The following IFT140 variants were observed in gnomAD, a reference collection of about 807,000 sequenced individuals.
IFT140 encodes the protein intraflagellar transport protein 140 homolog.
IFT140 carries 133 observed loss-of-function variants against 164.6 expected under a neutral mutation model. The observed-to-expected ratio is 0.81, with a 90% CI of 0.70 to 0.93. The LOEUF is 0.93. Ranked by LOEUF, IFT140 falls within the 40% of genes least tolerant of loss-of-function variation. IFT140 has a pLI of 0.00. For synonymous variants in IFT140, 860 were observed against 817.3 expected (o/e 1.05, Z -0.89); for missense variants, 2,045 against 1,972.3 (o/e 1.04, Z -0.70).
intron 19 of IFT140, among the ~76,000 whole-genome samples, chr16:1,552,244 A>G (rs1281642237): frequency 1.3e-5 from 2 of 152,036 alleles, no homozygotes; most frequent in Non-Finnish European, 2.9e-5. Flanking sequence ...TGCCGGTATA[A>G]CCTCCTCCCG....
intron 19 of IFT140, among the ~76,000 whole-genome samples, chr16:1,544,257 C>A (rs1430272993): frequency 6.6e-6 from 1 of 151,334 alleles, no homozygotes; most frequent in Admixed American, 6.6e-5. Flanking sequence ...AATCTCGGCT[C>A]ACTGCAAGCT....
chr16:1,524,864 C>G lies in IFT140; in HGVS notation c.2917G>C (p.Ala973Pro). 1 of 1,612,724 alleles carries G rather than the reference C, an allele frequency of 6.2e-7. No individual in the cohort carries two copies. The highest frequency in any genetic ancestry group is 8.5e-7 in the Non-Finnish European group (1 of 1,179,484). ...QYLESQGEMD[A>P]ALHYYELARD... is the part of the protein sequence containing the mutation. Reference sequence around the variant, plus strand: ...GCCAGCTCGTAGTAGTGCAGCGCGGCGTCCATCTCGCCCTGGCTCTCCAGG... The same window carrying G: ...GCCAGCTCGTAGTAGTGCAGCGCGGGGTCCATCTCGCCCTGGCTCTCCAGG... Residue 973 changes from alanine to proline, a missense_variant, in exon 23 of 31, where the codon GCC becomes CCC. Transcript: ENST00000426508.
chr16:1,557,386 AG>A (rs964970018), intron 19 of IFT140, among the ~76,000 whole-genome samples: 4 of 152,300 alleles, frequency 2.6e-5, no homozygotes, highest in African/African-American at 9.6e-5. Context: ...CTGCACGTTG[AG>A]GGAGGGCTTG....
At chr16:1,592,645 AGGGACAGG>A in intron 4 of IFT140, 57 bp from the exon 5 acceptor site, 3 of 1,569,236 alleles carry the variant, frequency 1.9e-6, no homozygotes, top group East Asian at 2.3e-5. Context: ...CGACTGGTGG[AGGGACAGG>A]TGTCCTGGCA....
At chr16:1,534,224 C>T (rs998401529) in intron 19 of IFT140, 13 of 1,596,374 alleles carry the variant, frequency 8.1e-6, no homozygotes, top group African/African-American at 6.7e-5. Flanking sequence ...GACGTGCGGC[C>T]GCGGACTGGG....
At chr16:1,580,906 G>T in intron 12 of IFT140, 56 bp from the exon 13 acceptor site, 1 of 1,165,672 alleles carries the variant, frequency 8.6e-7, no homozygotes, top group Non-Finnish European at 1.3e-6. Flanking sequence ...GACTTGCTGG[G>T]AGTTTCAGGA....
intron 9 of IFT140, among the ~76,000 whole-genome samples, chr16:1,586,612 TACAC>T (rs745882061): frequency 8.9e-4 from 130 of 146,332 alleles, no homozygotes; most frequent in Non-Finnish European, 1.6e-3. Context: ...TATGCACACA[TACAC>T]ACACATGCAT....
At chr16:1,520,550 G>GCAGCC (rs2040492575) in intron 27 of IFT140, 52 bp downstream of exon 27, 3 of 1,510,632 alleles carry the variant, frequency 2.0e-6, no homozygotes, top group Admixed American at 2.0e-5. Context: ...CAGGGGGCCC[G>GCAGCC]CAGCCTAACT....
rs1555478342 is a variant in IFT140, at chr16:1,525,961, C to T, written c.2694G>A (p.Val898=). 1.9e-6 allele frequency: 3 copies of T among 1,583,738 alleles called. No homozygotes were observed. The highest frequency in any genetic ancestry group is 3.5e-4 in the Middle Eastern group (2 of 5,642). The stretch of plus-strand genomic sequence containing the variant: ...AGCGGTGGTAGGTGCTGCGCAGGTG[C>T]ACGCGATCGTGGTGCTCGGCTACCT... ...ALQVAEHHDR[V]HLRSTYHRYA... is the part of the protein sequence containing the mutation. The change falls in exon 21 of 31, where the codon GTG becomes GTA. Residue 898 remains valine (V), a synonymous_variant. Transcript: ENST00000426508.
At position 1,584,385 on chromosome 16, in the gene IFT140, G is replaced by A. The variant is rs1343389946; in HGVS notation, c.1191C>T (p.Ser397=). The A allele has an allele frequency of 5.0e-6, 8 of 1,611,598 alleles. No homozygotes were observed. Among genetic ancestry groups the A allele is most frequent in the Non-Finnish European group, 6.8e-6 (8 of 1,179,270 alleles). ...GSRKNLLAVN[S]VISVAILSER... ...CGCTGAGGATGGCCACGGAGATGAC[G>A]CTGTTCACTGCCAGCAGGTTCTTCC... Residue 397 remains serine, a synonymous_variant, in exon 11 of 31, where the codon AGC becomes AGT. Coordinates refer to ENST00000426508, the MANE Select transcript of IFT140 (RefSeq NM_014714.4).
rs192386270 is a variant in IFT140, at chr16:1,553,496, G to A, written c.2399+4439C>T. 12 of 985,464 alleles carry A rather than the reference G, an allele frequency of 1.2e-5. No homozygotes were observed. In the East Asian group the frequency reaches 3.4e-4, roughly 28 times the overall value. The allele number at this position is 985,464 out of a possible 1,614,324, so 61.0% of individuals were successfully genotyped here. A position where few individuals can be genotyped will look rare whatever the true frequency, so the allele number is the denominator to read the frequency against. ...AGGCGGAGGGACAGCAGTGGGGCTCGGCGTGGCCGGAGCCTGGGGAGGGAC... is the reference window on the plus strand; with the variant it reads ...AGGCGGAGGGACAGCAGTGGGGCTCAGCGTGGCCGGAGCCTGGGGAGGGAC... On this transcript the variant is annotated intron_variant, in intron 19 of 30. Coordinates refer to ENST00000426508, the MANE Select transcript of IFT140 (RefSeq NM_014714.4). The surrounding 1 kb of genome is among the most constrained non-coding windows in gnomAD (Gnocchi z 4.4).
chr16:1,592,245 T>TC lies in IFT140; in HGVS notation c.564dup (p.Ser189GlufsTer31). Reference sequence around the variant, plus strand: ...ATCTTCAGCAAACTTCCAGAACTGCTCTTCTTCCAGTTAAACATGTCCAGG... The same window carrying TC: ...ATCTTCAGCAAACTTCCAGAACTGCTCCTTCTTCCAGTTAAACATGTCCAGG... On this transcript the variant is annotated frameshift_variant, in exon 6 of 31. Coordinates refer to ENST00000426508, the MANE Select transcript of IFT140 (RefSeq NM_014714.4). LOFTEE classifies it high-confidence loss of function. 6.2e-7 allele frequency: 1 copy of TC among 1,614,152 alleles called. No individual in the cohort carries two copies. Among genetic ancestry groups the TC allele is most frequent in the Non-Finnish European group, 8.5e-7 (1 of 1,180,040 alleles).
intron 19 of IFT140, chr16:1,554,268 C>T (rs1381354054): frequency 8.7e-6 from 4 of 458,720 alleles, no homozygotes; most frequent in East Asian, 1.4e-4. Flanking sequence ...TAGCTCTGGG[C>T]GCGATGAGCA....
In IFT140 at chr16:1,551,041, C is replaced by T. The variant is rs2032593381; in HGVS notation, c.2399+6894G>A. ...AAAGGGCTCTGTCCCTTTGAGGGGT[C>T]CTGGTCACTCAACTGCCAAGGCTGC... is the stretch of plus-strand genomic sequence containing the variant. On this transcript the variant is annotated intron_variant, in intron 19 of 30. Coordinates refer to ENST00000426508, the MANE Select transcript of IFT140 (RefSeq NM_014714.4). The surrounding 1 kb of genome is among the most constrained non-coding windows in gnomAD (Gnocchi z 4.0). Among the ~76,000 whole-genome samples, 1 of 152,202 alleles carries T rather than the reference C, an allele frequency of 6.6e-6. No individual in the cohort carries two copies. Among genetic ancestry groups the T allele is most frequent in the Non-Finnish European group, 1.5e-5 (1 of 68,032 alleles).
intron 30 of IFT140, chr16:1,514,425 T>G (rs1243546931): frequency 6.6e-6 from 1 of 152,088 alleles, no homozygotes. Context: ...GCAGCTGGAA[T>G]GTGAAGGTGG....
intron 19 of IFT140, among the ~76,000 whole-genome samples, chr16:1,545,849 G>C (rs568263721): frequency 6.6e-6 from 1 of 152,344 alleles, no homozygotes; most frequent in East Asian, 1.9e-4. Context: ...GCCATGCTCA[G>C]CACGACGTCT....
intron 12 of IFT140, among the ~76,000 whole-genome samples, chr16:1,582,838 G>C (rs561542693): frequency 5.9e-5 from 9 of 152,388 alleles, no homozygotes; most frequent in African/African-American, 2.2e-4. Flanking sequence ...GGGAGGCGGA[G>C]GGTGCAGTGA....
intron 30 of IFT140, among the ~76,000 whole-genome samples, chr16:1,513,452 G>C (rs370824623): frequency 6.8e-4 from 103 of 152,064 alleles, no homozygotes; most frequent in African/African-American, 2.4e-3. Context: ...AGTGAGCCAC[G>C]ATCATGCCAC....
At chr16:1,550,617 A>G (rs1193418880) in intron 19 of IFT140, among the ~76,000 whole-genome samples, 1 of 152,134 alleles carries the variant, frequency 6.6e-6, no homozygotes, top group South Asian at 2.1e-4. Context: ...AGGCTGCCTC[A>G]GGGCAGGAGG....
Sources: gnomAD v4.1 joint callset for allele counts (sites outside exome capture counted in the v4.1 genomes callset) on GRCh38, gnomAD v4.1.1 for gene constraint, Gnocchi (gnomAD v3.1) non-coding constraint, MANE v1.5 for transcripts, NCBI Gene and HGNC (gene_info 2026-07-23, HGNC 2026-07-21) for gene names.